Variants in RIMS3 observed in about 807,000 individuals in gnomAD.
RIMS3 encodes the protein regulating synaptic membrane exocytosis 3.
RIMS3 carries 15 observed loss-of-function variants against 29.2 expected under a neutral mutation model. The observed-to-expected ratio is 0.51, with a 90% CI of 0.34 to 0.79. The LOEUF is 0.79. RIMS3 is among the 30% of genes least tolerant of loss of function. The pLI is 0.01. For synonymous variants in RIMS3, 161 were observed against 170.1 expected, an observed-to-expected ratio of 0.95 and a Z score of 0.41; for missense variants, 342 against 421.4, an observed-to-expected ratio of 0.81 and a Z score of 1.65.
At chr1:40,640,975 G>A (rs1011118761) in intron 3 of RIMS3, among the ~76,000 whole-genome samples, 7 of 152,138 alleles carry the variant, frequency 4.6e-5, no homozygotes, top group African/African-American at 1.2e-4. Context: ...CTGGAAATAC[G>A]GGCAGCTTAC....
chr1:40,682,865 C>T, the RIMS3 span, among the ~76,000 whole-genome samples: 5 of 150,360 alleles, frequency 3.3e-5, no homozygotes, highest in Non-Finnish European at 7.4e-5. Flanking sequence ...CTCAGCCTCC[C>T]GAGTAGCTGG....
Position 40,623,646 on chromosome 1 carries a change from C to T in RIMS3, c.*2871G>A. The T allele has an allele frequency of 2.5e-6, 1 of 397,582 alleles. No individual in the cohort carries two copies. The highest frequency in any genetic ancestry group is 4.4e-6 in the Non-Finnish European group (1 of 225,940). 24.6% of individuals were successfully genotyped at this position (397,582 alleles called of 1,614,324 possible). On this transcript the variant is annotated 3_prime_UTR_variant, in exon 8 of 8. Coordinates refer to ENST00000372684, the MANE Select transcript of RIMS3 (RefSeq NM_014747.3). ...CAGGGTGGGAGACTTCTGGAGGGAT[C>T]ATGTTCCTTCCTTCCCCACCCCCCG...
Position 40,628,874 on chromosome 1 carries a change from G to A in RIMS3, c.650C>T (p.Thr217Ile), listed in dbSNP as rs1460399816. 3.1e-6 allele frequency: 5 copies of A among 1,614,068 alleles called. No homozygotes were observed. The highest frequency in any genetic ancestry group is 1.3e-5 in the African/African-American group (1 of 75,028). Residue 217 changes from threonine to isoleucine, a missense_variant, in exon 7 of 8, where the codon ACC (threonine) becomes ATC (isoleucine). Transcript: ENST00000372684. ...AKKKTKMTKKTCDPLYQQALL... is the reference protein window; with the variant it reads ...AKKKTKMTKKICDPLYQQALL... The stretch of plus-strand genomic sequence containing the variant: ...AGCCTGCTGGTACAGGGGATCACAG[G>A]TCTTCTTGGTCATCTTTGTCTTCTT...
At chr1:40,665,998 G>T (rs1208231398), upstream of RIMS3, among the ~76,000 whole-genome samples, 1 of 152,124 alleles carries the variant, frequency 6.6e-6, no homozygotes, top group African/African-American at 2.4e-5. Flanking sequence ...GACCTCACAG[G>T]CACCACGGCG....
intron 7 of RIMS3, among the ~76,000 whole-genome samples, chr1:40,628,092 T>C (rs1646466234): frequency 6.6e-6 from 1 of 152,164 alleles, no homozygotes; most frequent in African/African-American, 2.4e-5. Flanking sequence ...GAGTAGCTGT[T>C]TATGTGGCAG....
At chr1:40,664,891 C>A (rs1642402270) in intron 1 of RIMS3, among the ~76,000 whole-genome samples, 1 of 152,078 alleles carries the variant, frequency 6.6e-6, no homozygotes, top group Admixed American at 6.5e-5. Context: ...CCCAAAGCCC[C>A]CTCTTCCCAC....
chr1:40,668,880 G>C (rs1024685298), upstream of RIMS3, among the ~76,000 whole-genome samples: 1 of 152,210 alleles, frequency 6.6e-6, no homozygotes, highest in Non-Finnish European at 1.5e-5. Flanking sequence ...GAGCAGGAGG[G>C]ATGGCTGGGG....
In RIMS3 at chr1:40,628,868, T is replaced by C. The variant is rs745688037; in HGVS notation, c.656A>G (p.Asp219Gly). Reference sequence around the variant, plus strand: ...GAGCAGAGCCTGCTGGTACAGGGGATCACAGGTCTTCTTGGTCATCTTTGT... The same window carrying C: ...GAGCAGAGCCTGCTGGTACAGGGGACCACAGGTCTTCTTGGTCATCTTTGT... Reference protein sequence around the residue: ...KKTKMTKKTCDPLYQQALLFD... With the variant: ...KKTKMTKKTCGPLYQQALLFD... The change falls in exon 7 of 8, where the codon GAT becomes GGT. Residue 219 changes from aspartate to glycine, a missense_variant. Coordinates refer to ENST00000372684, the MANE Select transcript of RIMS3 (RefSeq NM_014747.3). 6.2e-6 allele frequency: 10 copies of C among 1,613,974 alleles called. No individual in the cohort carries two copies. Among genetic ancestry groups the C allele is most frequent in the Admixed American group, 1.7e-5 (1 of 59,986 alleles).
the RIMS3 span, among the ~76,000 whole-genome samples, chr1:40,678,742 C>T: frequency 2.6e-5 from 4 of 152,194 alleles, no homozygotes; most frequent in African/African-American, 4.8e-5. Context: ...GAAAGCTTAG[C>T]GGGCAGCTCT....
chr1:40,641,671 C>A (rs1051208845), intron 3 of RIMS3, 38 bp downstream of exon 3: 4 of 1,597,156 alleles, frequency 2.5e-6, no homozygotes, highest in South Asian at 2.2e-5. Flanking sequence ...TGCGAAGTGT[C>A]CCCCACCTCT....
At chr1:40,681,958 C>G in the RIMS3 span, among the ~76,000 whole-genome samples, 1 of 152,210 alleles carries the variant, frequency 6.6e-6, no homozygotes, top group Non-Finnish European at 1.5e-5. Flanking sequence ...CTCCGCCTCC[C>G]AAGTAGCTGG....
chr1:40,627,668 C>A (rs1557663690), intron 7 of RIMS3, among the ~76,000 whole-genome samples: 1 of 152,120 alleles, frequency 6.6e-6, no homozygotes, highest in Non-Finnish European at 1.5e-5. Context: ...GTGGCATAAT[C>A]ATAGCTCACT....
the RIMS3 span, among the ~76,000 whole-genome samples, chr1:40,680,246 G>A: frequency 6.6e-6 from 1 of 151,812 alleles, no homozygotes; most frequent in Non-Finnish European, 1.5e-5. Flanking sequence ...GGAAAACTCT[G>A]GAAGAGAAAG....
intron 1 of RIMS3, among the ~76,000 whole-genome samples, chr1:40,664,554 C>G (rs575494303): frequency 6.6e-6 from 1 of 152,280 alleles, no homozygotes; most frequent in African/African-American, 2.4e-5. Context: ...ACCCAGGTGT[C>G]CAAGCCCTGA....
At chr1:40,651,349 A>C (rs1646631218) in intron 1 of RIMS3, among the ~76,000 whole-genome samples, 1 of 152,188 alleles carries the variant, frequency 6.6e-6, no homozygotes, top group East Asian at 1.9e-4. Flanking sequence ...TCAATGCGCC[A>C]AGGAACGCCA....
At chr1:40,633,264 G>A in intron 4 of RIMS3, 83 bp from the exon 5 acceptor site, 1 of 996,038 alleles carries the variant, frequency 1.0e-6, no homozygotes, top group Non-Finnish European at 1.6e-6. Context: ...CCATGCTCTG[G>A]CCCTGGGGCC....
At chr1:40,629,400 G>T (rs751384988) in intron 5 of RIMS3, 28 bp from the exon 6 acceptor site, 1 of 1,592,822 alleles carries the variant, frequency 6.3e-7, no homozygotes, top group Non-Finnish European at 8.6e-7. Flanking sequence ...GTGAGTCCAG[G>T]CAGGGCCAGA....
chr1:40,655,204 G>T (rs1462845079), intron 1 of RIMS3, among the ~76,000 whole-genome samples: 2 of 152,130 alleles, frequency 1.3e-5, no homozygotes, highest in Non-Finnish European at 2.9e-5. Context: ...CTGCTTCACT[G>T]TCCCTGAGCC....
In RIMS3 at chr1:40,635,557, A is replaced by G. The variant is rs1235412371; in HGVS notation, c.359+359T>C. On this transcript the variant is annotated intron_variant, in intron 4 of 7. Coordinates refer to ENST00000372684, the MANE Select transcript of RIMS3 (RefSeq NM_014747.3). This position sits in a 1 kb window ranked among gnomAD's most constrained non-coding sequence, Gnocchi z 4.1. ...AGAAAATTCCACTCATCTGGGCCAC[A>G]ACAATGGTTTTAGATTTAAAAGGAT... is the stretch of plus-strand genomic sequence containing the variant. 6.6e-6 allele frequency among the ~76,000 whole-genome samples: 1 copy of G among 152,200 alleles called. No individual in the cohort carries two copies. Among genetic ancestry groups the G allele is most frequent in the Non-Finnish European group, 1.5e-5 (1 of 68,042 alleles).
Sources: allele counts gnomAD v4.1 joint callset (sites outside exome capture counted in the v4.1 genomes callset), GRCh38; gene constraint gnomAD v4.1.1; non-coding constraint Gnocchi (gnomAD v3.1); transcripts MANE v1.5; gene names NCBI Gene and HGNC (gene_info 2026-07-23, HGNC 2026-07-21).